The following ARID2 variants were observed in gnomAD, a reference collection of about 807,000 sequenced individuals.
ARID2 encodes AT-rich interactive domain-containing protein 2.
In ARID2, 32 loss-of-function variants were observed where a neutral mutation model predicts 184.6. The observed-to-expected ratio is 0.17, with a 90% CI of 0.13 to 0.23. The LOEUF is 0.23. Among genes scored for constraint, ARID2 ranks in the 10% least tolerant of loss-of-function variants. ARID2 has a pLI of 1.00. For synonymous variants in ARID2, 836 were observed against 772.6 expected (o/e 1.08, Z -1.36); for missense variants, 1,696 against 2,197.6 (o/e 0.77, Z 4.56).
At chr12:45,855,525 G>A (rs185089052) in intron 15 of ARID2, among the ~76,000 whole-genome samples, 3 of 152,258 alleles carry the variant, frequency 2.0e-5, no homozygotes, top group Admixed American at 6.5e-5. Context: ...AGTTAGTAAT[G>A]GGGAAGGTAT....
rs750443564 is a variant in ARID2, at chr12:45,811,504, T to C, written c.371T>C (p.Ile124Thr). The C allele has an allele frequency of 1.7e-5, 28 of 1,613,812 alleles. No individual in the cohort carries two copies. The highest frequency in any genetic ancestry group is 2.0e-5 in the Non-Finnish European group (24 of 1,179,892). Residue 124 changes from isoleucine (I) to threonine (T), a missense_variant, in exon 4 of 21, where the codon ATT (isoleucine) becomes ACT (threonine). This residue lies in a region of ARID2 where 148 missense variants were observed against 285.4 expected (regional missense o/e 0.52). Transcript: ENST00000334344. The stretch of plus-strand genomic sequence containing the variant: ...GGCAATCCAAAGCCACAGCTTCCTA[T>C]TGGTGCAATTCCATCTTCCTACAAT... The part of the protein sequence containing the change: ...PPGNPKPQLP[I>T]GAIPSSYNYQ...
At chr12:45,885,759 G>A (rs2138223338) in intron 16 of ARID2, among the ~76,000 whole-genome samples, 1 of 152,280 alleles carries the variant, frequency 6.6e-6, no homozygotes, top group South Asian at 2.1e-4. Context: ...GAGAAGTGCT[G>A]AGCAAACAGG....
intron 16 of ARID2, among the ~76,000 whole-genome samples, chr12:45,874,988 T>A (rs1943986964): frequency 6.6e-6 from 1 of 152,192 alleles, no homozygotes; most frequent in Non-Finnish European, 1.5e-5. Context: ...GTGGTGATGG[T>A]GGCCCTTGCC....
intron 20 of ARID2, among the ~76,000 whole-genome samples, chr12:45,902,820 T>G (rs1944476627): frequency 6.6e-6 from 1 of 152,166 alleles, no homozygotes; most frequent in South Asian, 2.1e-4. Flanking sequence ...TTTGTAAATT[T>G]TTAAATCAAT....
At chr12:45,862,706 C>G (rs1252865049) in intron 16 of ARID2, among the ~76,000 whole-genome samples, 1 of 152,114 alleles carries the variant, frequency 6.6e-6, no homozygotes, top group Non-Finnish European at 1.5e-5. Context: ...GAAGTTTAAG[C>G]ATAACTGCTT....
chr12:45,860,185 T>A (rs1943719206), intron 15 of ARID2, among the ~76,000 whole-genome samples: 1 of 152,224 alleles, frequency 6.6e-6, no homozygotes, highest in Non-Finnish European at 1.5e-5. Context: ...TATGCCTCTG[T>A]AACCTGCCCA....
At chr12:45,858,603 T>C (rs1943692796) in intron 15 of ARID2, among the ~76,000 whole-genome samples, 1 of 152,232 alleles carries the variant, frequency 6.6e-6, no homozygotes, top group African/African-American at 2.4e-5. Context: ...ATTATTGCCA[T>C]TTATTGAGAC....
At chr12:45,820,248 G>A (rs1942876070) in intron 5 of ARID2, among the ~76,000 whole-genome samples, 1 of 152,078 alleles carries the variant, frequency 6.6e-6, no homozygotes, top group African/African-American at 2.4e-5. Flanking sequence ...ACGACCCTAA[G>A]GTCAGTAGTA....
At chr12:45,762,001 A>G (rs984510242) in intron 3 of ARID2, among the ~76,000 whole-genome samples, 1 of 152,072 alleles carries the variant, frequency 6.6e-6, no homozygotes, top group Non-Finnish European at 1.5e-5. Context: ...CTTCATTGCA[A>G]TAATTATATA....
chr12:45,905,128 C>A lies in ARID2; in HGVS notation c.*50C>A. ...GGGACTCAAAGTCAGCCACATTTCA[C>A]ATACTGTTACTGAAGAAAGCACCAA... On this transcript the variant is annotated 3_prime_UTR_variant, in exon 21 of 21. Transcript: ENST00000334344. The A allele has an allele frequency of 1.3e-6, 2 of 1,571,762 alleles. No individual in the cohort carries two copies. The highest frequency in any genetic ancestry group is 1.7e-6 in the Non-Finnish European group (2 of 1,154,902).
chr12:45,738,555 C>A (rs1229225857), intron 3 of ARID2, among the ~76,000 whole-genome samples: 1 of 152,174 alleles, frequency 6.6e-6, no homozygotes, highest in Non-Finnish European at 1.5e-5. Flanking sequence ...AGGTGATCCA[C>A]CCATCTTGAC....
At chr12:45,763,198 C>G (rs752345058) in intron 3 of ARID2, among the ~76,000 whole-genome samples, 1 of 152,152 alleles carries the variant, frequency 6.6e-6, no homozygotes, top group Non-Finnish European at 1.5e-5. Context: ...AGGCAAGGTG[C>G]GGTGGCTCAC....
At chr12:45,784,808 A>G (rs1942166012) in intron 3 of ARID2, among the ~76,000 whole-genome samples, 1 of 152,268 alleles carries the variant, frequency 6.6e-6, no homozygotes, top group Admixed American at 6.5e-5. Context: ...CGAAGAAAAT[A>G]TTATTTATAT....
chr12:45,782,420 T>G (rs1040252093), intron 3 of ARID2, among the ~76,000 whole-genome samples: 1 of 151,844 alleles, frequency 6.6e-6, no homozygotes, highest in Admixed American at 6.6e-5. Context: ...TCACCTGAGG[T>G]GAGGAGTTAA....
At position 45,787,431 on chromosome 12, in the gene ARID2, C is replaced by T. The variant is rs1246433613; in HGVS notation, c.285-23987C>T. 1.8e-4 allele frequency among the ~76,000 whole-genome samples: 27 copies of T among 151,758 alleles called. 1 individual carries two copies. Among genetic ancestry groups the T allele is most frequent in the Non-Finnish European group, 1.5e-5 (1 of 67,958 alleles). Reference sequence around the variant, plus strand: ...TGTCTTTTTGGTAGAGATGGGGTTTCACTGTGTTGCCCAGGCTGGTCTCGA... The same window carrying T: ...TGTCTTTTTGGTAGAGATGGGGTTTTACTGTGTTGCCCAGGCTGGTCTCGA... On this transcript the variant is annotated intron_variant, in intron 3 of 20. Transcript: ENST00000334344.
At chr12:45,736,356 GA>G (rs201995453) in intron 3 of ARID2, among the ~76,000 whole-genome samples, 210 of 120,516 alleles carry the variant, frequency 1.7e-3, no homozygotes, top group East Asian at 3.0e-3. Context: ...GACTCCGTCT[GA>G]AAAAAAAAAA....
intron 6 of ARID2, among the ~76,000 whole-genome samples, chr12:45,833,203 A>G (rs1943153763): frequency 6.6e-6 from 1 of 152,044 alleles, no homozygotes; most frequent in African/African-American, 2.4e-5. Context: ...TGACTTTACT[A>G]TGGTTTTATT....
intron 3 of ARID2, among the ~76,000 whole-genome samples, chr12:45,798,139 T>C (rs1942426011): frequency 6.6e-6 from 1 of 152,176 alleles, no homozygotes; most frequent in African/African-American, 2.4e-5. Context: ...ACTAATTTTC[T>C]CACTTTTTAC....
chr12:45,743,037 A>C (rs535037163), intron 3 of ARID2, among the ~76,000 whole-genome samples: 1 of 152,234 alleles, frequency 6.6e-6, no homozygotes, highest in South Asian at 2.1e-4. Flanking sequence ...GAGACATTAC[A>C]GCATGTTTGT....
Sources: gnomAD v4.1 joint callset for allele counts (sites outside exome capture counted in the v4.1 genomes callset) on GRCh38, gnomAD v4.1.1 for gene constraint, gnomAD v4.1.1 regional missense constraint, MANE v1.5 for transcripts, NCBI Gene and HGNC (gene_info 2026-07-23, HGNC 2026-07-21) for gene names.